The following PTH2R variants were observed in gnomAD, a reference collection of about 807,000 sequenced individuals.
The protein encoded by PTH2R is PTH2 receptor.
In PTH2R, 59 loss-of-function variants were observed where a neutral mutation model predicts 60.3. The ratio of observed to expected loss-of-function variants is 0.98; its 90% CI spans 0.79 to 1.22. The LOEUF (loss-of-function observed/expected upper bound fraction) is 1.22, where lower values mean the gene tolerates loss of function less well. PTH2R is among the 50% of genes most tolerant of loss of function. The pLI is 0.00. For synonymous variants in PTH2R, 256 were observed against 243.8 expected (o/e 1.05, Z -0.47); for missense variants, 749 against 682.6 (o/e 1.10, Z -1.08).
intron 1 of PTH2R, among the ~76,000 whole-genome samples, chr2:208,413,067 C>T (rs569881683): frequency 7.2e-4 from 110 of 152,166 alleles, no homozygotes; most frequent in African/African-American, 2.6e-3. Flanking sequence ...CCACCTCTTT[C>T]TCCATAATTT....
At chr2:208,371,026 A>G (rs1021101138) in intron 1 of PTH2R, among the ~76,000 whole-genome samples, 1 of 152,000 alleles carries the variant, frequency 6.6e-6, no homozygotes, top group Non-Finnish European at 1.5e-5. Flanking sequence ...ACCAGCTCTC[A>G]TGTGAAATAC....
At chr2:208,415,004 G>T (rs930185360) in intron 1 of PTH2R, among the ~76,000 whole-genome samples, 1 of 152,052 alleles carries the variant, frequency 6.6e-6, no homozygotes, top group South Asian at 2.1e-4. Flanking sequence ...TCACAACCTA[G>T]AAGAACCTAA....
At chr2:208,485,412 T>C (rs1368260524) in intron 10 of PTH2R, among the ~76,000 whole-genome samples, 1 of 152,188 alleles carries the variant, frequency 6.6e-6, no homozygotes, top group Non-Finnish European at 1.5e-5. Flanking sequence ...TGGACAGCTG[T>C]GCATTTTCAG....
chr2:208,371,104 C>A lies in PTH2R; in HGVS notation c.-259+10867C>A, dbSNP rs951502552. Among the ~76,000 whole-genome samples the A allele has an allele frequency of 2.6e-5, 4 of 152,182 alleles. No homozygotes were observed. The South Asian group carries it at 6.2e-4, about 24-fold the overall frequency. ...CATTCATGAGGGATCTGCCTCATCA[C>A]CCAAACACTTCCCAGTAGGCCCCAC... On this transcript the variant is annotated intron_variant, in intron 1 of 12. Coordinates refer to the PTH2R transcript ENST00000617735.
intron 10 of PTH2R, among the ~76,000 whole-genome samples, chr2:208,482,130 G>T (rs1703166414): frequency 6.6e-6 from 1 of 152,120 alleles, no homozygotes; most frequent in African/African-American, 2.4e-5. Context: ...GACACAGAGA[G>T]GAAAAACATC....
chr2:208,429,544 T>C (rs1701928125), intron 2 of PTH2R, among the ~76,000 whole-genome samples: 1 of 152,164 alleles, frequency 6.6e-6, no homozygotes, highest in Admixed American at 6.5e-5. Flanking sequence ...TAAAAAAATT[T>C]AAAACACTAG....
chr2:208,428,152 G>T (rs1701895065), intron 1 of PTH2R, 49 bp from the exon 2 acceptor site: 3 of 1,403,198 alleles, frequency 2.1e-6, no homozygotes, highest in African/African-American at 1.4e-5. Context: ...CTTGTATCCT[G>T]GCTTGAAAAA....
intron 8 of PTH2R, among the ~76,000 whole-genome samples, chr2:208,459,509 G>A (rs1702588745): frequency 6.6e-6 from 1 of 152,128 alleles, no homozygotes; most frequent in Non-Finnish European, 1.5e-5. Flanking sequence ...TAATGTCTGT[G>A]AGAGAGAACT....
chr2:208,436,252 A>T (rs1291869431), intron 2 of PTH2R, among the ~76,000 whole-genome samples: 1 of 149,956 alleles, frequency 6.7e-6, no homozygotes, highest in Non-Finnish European at 1.5e-5. Flanking sequence ...GTGTTTACTC[A>T]GAAGTTGACA....
At chr2:208,407,176 T>C in intron 1 of PTH2R, 58 bp downstream of exon 1, 1 of 1,368,586 alleles carries the variant, frequency 7.3e-7, no homozygotes, top group Non-Finnish European at 9.6e-7. Context: ...GGGACTCAGC[T>C]TTAGCGACAC....
At chr2:208,365,175 T>A (rs1411073081) in intron 1 of PTH2R, among the ~76,000 whole-genome samples, 1 of 152,140 alleles carries the variant, frequency 6.6e-6, no homozygotes, top group Non-Finnish European at 1.5e-5. Context: ...TCTTGTCTAA[T>A]TGCTTTGGAC....
chr2:208,393,500 T>G (rs1436374840), intron 1 of PTH2R, among the ~76,000 whole-genome samples: 2 of 152,164 alleles, frequency 1.3e-5, no homozygotes, highest in Non-Finnish European at 2.9e-5. Flanking sequence ...CCAATCAGGG[T>G]TGTCTACTGG....
intron 9 of PTH2R, among the ~76,000 whole-genome samples, chr2:208,472,661 T>C (rs1702910788): frequency 6.6e-6 from 1 of 152,234 alleles, no homozygotes; most frequent in Non-Finnish European, 1.5e-5. Context: ...TAAACCTTTT[T>C]TTTGTTTTCA....
intron 1 of PTH2R, among the ~76,000 whole-genome samples, chr2:208,398,669 C>G (rs1236479727): frequency 6.6e-6 from 1 of 152,162 alleles, no homozygotes; most frequent in Non-Finnish European, 1.5e-5. Context: ...TCCCTTAAAA[C>G]TGTTTAAAGT....
chr2:208,454,324 A>G (rs76860505), intron 8 of PTH2R, among the ~76,000 whole-genome samples: 2,874 of 152,260 alleles, frequency 0.019, 96 homozygotes, highest in African/African-American at 0.064. Context: ...CTAACCCCCA[A>G]TGTGACTCTA....
intron 1 of PTH2R, among the ~76,000 whole-genome samples, chr2:208,410,590 G>A (rs1336690427): frequency 1.3e-5 from 2 of 152,268 alleles, no homozygotes; most frequent in East Asian, 1.9e-4. Flanking sequence ...GTATTGTGTA[G>A]CAATAAAAAG....
chr2:208,418,721 G>A (rs1384819580), intron 1 of PTH2R, among the ~76,000 whole-genome samples: 1 of 151,984 alleles, frequency 6.6e-6, no homozygotes, highest in Non-Finnish European at 1.5e-5. Flanking sequence ...TTACAAAAAT[G>A]TATCTGTATA....
At chr2:208,381,848 G>C (rs1293092577) in intron 1 of PTH2R, among the ~76,000 whole-genome samples, 3 of 152,056 alleles carry the variant, frequency 2.0e-5, no homozygotes, top group Non-Finnish European at 4.4e-5. Context: ...CAAGATAACA[G>C]GGACTTCAGT....
Position 208,442,462 on chromosome 2 carries a change from G to C in PTH2R, c.509+1G>C. On this transcript the variant is annotated splice_donor_variant, in intron 5 of 12. Coordinates refer to ENST00000272847, the MANE Select transcript of PTH2R (RefSeq NM_005048.4). LOFTEE classifies it high-confidence loss of function. ...CTATTCTCATCATTGGTTACTTCAG[G>C]TGAGTGATGCCCATCACTTTTTCCA... The C allele has an allele frequency of 6.3e-7, 1 of 1,594,366 alleles. No individual in the cohort carries two copies. The highest frequency in any genetic ancestry group is 8.6e-7 in the Non-Finnish European group (1 of 1,162,250).
Sources: gnomAD v4.1 joint callset for allele counts (sites outside exome capture counted in the v4.1 genomes callset) on GRCh38, gnomAD v4.1.1 for gene constraint, MANE v1.5 for transcripts, NCBI Gene and HGNC (gene_info 2026-07-23, HGNC 2026-07-21) for gene names.